Variants in GRIK1 observed in about 807,000 individuals in gnomAD.
GRIK1 encodes the protein glutamate ionotropic receptor kainate type subunit 1.
A neutral mutation model predicts 105.7 loss-of-function variants in GRIK1; 69 were observed. The observed-to-expected ratio is 0.65, with a 90% CI of 0.54 to 0.80. The LOEUF (loss-of-function observed/expected upper bound fraction) is 0.80. Ranked by LOEUF, GRIK1 falls within the 30% of genes least tolerant of loss-of-function variation. The pLI is 0.00. For synonymous variants in GRIK1, 438 were observed against 431.3 expected (o/e 1.02, Z -0.19); for missense variants, 1,109 against 1,167.3 (o/e 0.95, Z 0.73).
chr21:29,544,029 T>G (rs1170983153), intron 16 of GRIK1, among the ~76,000 whole-genome samples: 1 of 152,202 alleles, frequency 6.6e-6, no homozygotes, highest in Non-Finnish European at 1.5e-5. Context: ...TGGGACCTGA[T>G]GCCAACATCC....
chr21:29,935,766 A>G (rs2071726602), intron 1 of GRIK1, among the ~76,000 whole-genome samples: 1 of 151,662 alleles, frequency 6.6e-6, no homozygotes, highest in South Asian at 2.1e-4. Flanking sequence ...GGCAAATTAC[A>G]GAAATTAGTG....
intron 7 of GRIK1, among the ~76,000 whole-genome samples, chr21:29,629,871 G>A (rs757223634): frequency 3.8e-4 from 58 of 152,138 alleles, no homozygotes; most frequent in Admixed American, 3.3e-3. Flanking sequence ...ATAAATTGCC[G>A]AGGGGAATGG....
At chr21:29,746,088 A>G (rs1024350100) in intron 1 of GRIK1, among the ~76,000 whole-genome samples, 2 of 152,284 alleles carry the variant, frequency 1.3e-5, no homozygotes, top group South Asian at 4.1e-4. Flanking sequence ...TGGGTGACAG[A>G]GCGGGACTCC....
intron 12 of GRIK1, among the ~76,000 whole-genome samples, chr21:29,585,139 C>A (rs761897444): frequency 2.0e-5 from 3 of 151,826 alleles, no homozygotes; most frequent in African/African-American, 4.8e-5. Flanking sequence ...GAAGAATAAG[C>A]TAAATAAGGG....
chr21:29,844,638 CT>C (rs982056136), intron 1 of GRIK1, among the ~76,000 whole-genome samples: 2 of 152,182 alleles, frequency 1.3e-5, no homozygotes, highest in Admixed American at 1.3e-4. Context: ...CAGATTTCAA[CT>C]TTAGACTATA....
intron 4 of GRIK1, among the ~76,000 whole-genome samples, chr21:29,668,045 T>A (rs1222659090): frequency 6.6e-6 from 1 of 152,160 alleles, no homozygotes; most frequent in African/African-American, 2.4e-5. Context: ...GAAGAAAATA[T>A]GACTTTGGGG....
chr21:29,896,759 A>C (rs761263758), intron 1 of GRIK1, among the ~76,000 whole-genome samples: 2 of 152,188 alleles, frequency 1.3e-5, no homozygotes, highest in Non-Finnish European at 2.9e-5. Flanking sequence ...AAGATTAGCT[A>C]CTTGGGTCAC....
At chr21:29,552,885 C>G (rs1363569901) in intron 16 of GRIK1, among the ~76,000 whole-genome samples, 1 of 152,044 alleles carries the variant, frequency 6.6e-6, no homozygotes, top group African/African-American at 2.4e-5. Context: ...TGTTCTGTTT[C>G]CATGAGTGAT....
chr21:29,824,693 A>T (rs370416685), intron 1 of GRIK1, among the ~76,000 whole-genome samples: 32 of 150,340 alleles, frequency 2.1e-4, no homozygotes, highest in African/African-American at 7.3e-4. Flanking sequence ...GCGAGAAGTC[A>T]TTGCACGTGA....
intron 16 of GRIK1, among the ~76,000 whole-genome samples, chr21:29,544,761 G>A (rs1357294120): frequency 6.6e-6 from 1 of 152,214 alleles, no homozygotes; most frequent in African/African-American, 2.4e-5. Context: ...AGAGGCTTCA[G>A]GACTCAGCCT....
At chr21:29,932,510 C>G (rs757341454) in intron 1 of GRIK1, among the ~76,000 whole-genome samples, 1 of 151,956 alleles carries the variant, frequency 6.6e-6, no homozygotes, top group Non-Finnish European at 1.5e-5. Flanking sequence ...AATATTTTTA[C>G]TTCTTTCCTT....
chr21:29,574,834 C>T (rs2090847780), intron 14 of GRIK1, among the ~76,000 whole-genome samples: 1 of 151,596 alleles, frequency 6.6e-6, no homozygotes, highest in Admixed American at 6.6e-5. Flanking sequence ...ACTACAGGCG[C>T]CCGCCATCAC....
intron 1 of GRIK1, among the ~76,000 whole-genome samples, chr21:29,784,707 A>G (rs1193783845): frequency 3.3e-5 from 5 of 152,246 alleles, no homozygotes; most frequent in Non-Finnish European, 7.3e-5. Flanking sequence ...AATTAATACT[A>G]TCCCATACAT....
chr21:29,671,723 G>A (rs920297030), intron 4 of GRIK1, among the ~76,000 whole-genome samples: 7 of 152,138 alleles, frequency 4.6e-5, no homozygotes, highest in African/African-American at 1.7e-4. Flanking sequence ...TACAGCTTGT[G>A]TTATTTTAGA....
At chr21:29,682,383 C>T (rs749906797) in intron 3 of GRIK1, among the ~76,000 whole-genome samples, 3 of 152,102 alleles carry the variant, frequency 2.0e-5, no homozygotes, top group Non-Finnish European at 2.9e-5. Flanking sequence ...GGGCTGGCGT[C>T]GTTGTGAATT....
intron 1 of GRIK1, among the ~76,000 whole-genome samples, chr21:29,844,839 C>CT (rs1187334302): frequency 6.6e-6 from 1 of 152,064 alleles, no homozygotes; most frequent in Non-Finnish European, 1.5e-5. Context: ...TTACAAGTAT[C>CT]TTTTTTTCTT....
intron 1 of GRIK1, among the ~76,000 whole-genome samples, chr21:29,705,399 A>G (rs563938149): frequency 4.6e-4 from 70 of 152,376 alleles, no homozygotes; most frequent in African/African-American, 1.6e-3. Context: ...GTCCTGCAGC[A>G]AAGAAAACAA....
At chr21:29,557,726 G>A (rs1312841417) in intron 15 of GRIK1, among the ~76,000 whole-genome samples, 3 of 152,132 alleles carry the variant, frequency 2.0e-5, no homozygotes, top group Non-Finnish European at 4.4e-5. Flanking sequence ...AAAAGATATT[G>A]GCTGTTTGCT....
intron 14 of GRIK1, among the ~76,000 whole-genome samples, chr21:29,576,461 T>G (rs1258033728): frequency 6.6e-6 from 1 of 152,218 alleles, no homozygotes. Context: ...CTCCTGGGAT[T>G]TTTTTGTTCT....
Sources: allele counts gnomAD v4.1 joint callset (sites outside exome capture counted in the v4.1 genomes callset), GRCh38; gene constraint gnomAD v4.1.1; transcripts MANE v1.5; gene names NCBI Gene and HGNC (gene_info 2026-07-23, HGNC 2026-07-21).